The following CTNNA2 variants were observed in gnomAD, a reference collection of about 807,000 sequenced individuals.
The protein encoded by CTNNA2 is catenin alpha-2.
A neutral mutation model predicts 101.0 loss-of-function variants in CTNNA2; 42 were observed. The observed-to-expected ratio is 0.42, with a 90% CI of 0.32 to 0.54. The LOEUF (loss-of-function observed/expected upper bound fraction) is 0.54, where lower values mean the gene tolerates loss of function less well. Among genes scored for constraint, CTNNA2 ranks in the 20% least tolerant of loss-of-function variants. CTNNA2 has a pLI of 0.14. For missense variants in CTNNA2, 871 were observed against 1,223.1 expected (o/e 0.71, Z 4.29); for synonymous variants, 450 against 456.4 (o/e 0.99, Z 0.18).
chr2:80,409,992 T>G (rs907910347), intron 8 of CTNNA2, among the ~76,000 whole-genome samples: 1 of 152,256 alleles, frequency 6.6e-6, no homozygotes, highest in Admixed American at 6.5e-5. Flanking sequence ...TACATTAAAA[T>G]GAGGCACACA....
intron 7 of CTNNA2, among the ~76,000 whole-genome samples, chr2:80,211,941 T>A (rs1260866754): frequency 6.6e-6 from 1 of 152,220 alleles, no homozygotes; most frequent in Non-Finnish European, 1.5e-5. Context: ...ATATCCCTTG[T>A]AAGTTGGGTT....
chr2:80,533,039 C>T (rs949912330), intron 9 of CTNNA2, among the ~76,000 whole-genome samples: 1 of 152,146 alleles, frequency 6.6e-6, no homozygotes, highest in East Asian at 1.9e-4. Context: ...AATAAAAATA[C>T]AACCATTATC....
rs565730581 is a variant in CTNNA2 at position 79,981,762 on chromosome 2, C to T, written c.1056+71965C>T. Among the ~76,000 whole-genome samples the T allele has an allele frequency of 4.6e-5, 7 of 152,134 alleles. No individual in the cohort carries two copies. In the East Asian group the frequency reaches 5.8e-4, roughly 13 times the overall value. Reference sequence around the variant, plus strand: ...AGTCAAACTTGCCCATTATTTATTTCGTAAATTTTTTATGTTCAGATTTTT... The same window carrying T: ...AGTCAAACTTGCCCATTATTTATTTTGTAAATTTTTTATGTTCAGATTTTT... On this transcript the variant is annotated intron_variant, in intron 7 of 18. Transcript: ENST00000402739.
intron 7 of CTNNA2, among the ~76,000 whole-genome samples, chr2:80,021,798 A>T (rs758103091): frequency 1.3e-5 from 2 of 152,302 alleles, no homozygotes; most frequent in South Asian, 4.1e-4. Flanking sequence ...GTTATATAAT[A>T]CATCTCCTGA....
At chr2:79,764,103 C>A (rs1384630260) in intron 3 of CTNNA2, among the ~76,000 whole-genome samples, 1 of 152,158 alleles carries the variant, frequency 6.6e-6, no homozygotes, top group African/African-American at 2.4e-5. Flanking sequence ...GGAAAACAGA[C>A]CCTGTAACTT....
Position 79,707,042 on chromosome 2 carries a change from G to T in CTNNA2, c.103-37345G>T, listed in dbSNP as rs17728938. On this transcript the variant is annotated intron_variant, in intron 2 of 18. Coordinates refer to ENST00000402739, the MANE Select transcript of CTNNA2 (RefSeq NM_001282597.3). ...CTACTTTGTATGTTATAAAACACAG[G>T]ATCAGAACTGCCATTTGCACATTTG... Among the ~76,000 whole-genome samples, 146 of 152,180 alleles carry T rather than the reference G, an allele frequency of 9.6e-4. 1 individual carries two copies. Among genetic ancestry groups the T allele is most frequent in the Admixed American group, 2.7e-3 (42 of 15,296 alleles).
intron 7 of CTNNA2, among the ~76,000 whole-genome samples, chr2:80,232,941 T>C (rs1709341960): frequency 6.6e-6 from 1 of 152,188 alleles, no homozygotes; most frequent in African/African-American, 2.4e-5. Flanking sequence ...TTTTTCTAAC[T>C]TTATCATGTT....
At position 79,839,015 on chromosome 2, in the gene CTNNA2, GTT is replaced by G. The variant is rs202231145; in HGVS notation, c.299-18992_299-18991del. Among the ~76,000 whole-genome samples, 1,029 of 152,082 alleles carry G rather than the reference GTT, an allele frequency of 6.8e-3. 8 individuals are homozygous for G. Among genetic ancestry groups the G allele is most frequent in the African/African-American group, 0.024 (980 of 41,530 alleles). Reference sequence around the variant, plus strand: ...ATGTGCCAGCTATAAACTGGGCAAAGTTTTTTTATACATATTAATTTATTAAT... The same window carrying G: ...ATGTGCCAGCTATAAACTGGGCAAAGTTTTTATACATATTAATTTATTAAT... On this transcript the variant is annotated intron_variant, in intron 3 of 18. Transcript: ENST00000402739.
intron 2 of CTNNA2, among the ~76,000 whole-genome samples, chr2:79,241,724 A>C (rs997462585): frequency 6.6e-6 from 1 of 152,148 alleles, no homozygotes; most frequent in Non-Finnish European, 1.5e-5. Flanking sequence ...TCATCAGTTC[A>C]TGTTCTTTGT....
intron 7 of CTNNA2, among the ~76,000 whole-genome samples, chr2:80,217,112 A>G (rs1466906398): frequency 1.3e-5 from 2 of 152,074 alleles, no homozygotes; most frequent in African/African-American, 2.4e-5. Flanking sequence ...GATTACAGGC[A>G]TGAGCCACCG....
chr2:79,474,286 G>A (rs1671029655), intron 4 of CTNNA2, among the ~76,000 whole-genome samples: 1 of 152,114 alleles, frequency 6.6e-6, no homozygotes, highest in South Asian at 2.1e-4. Context: ...ACAAATCTTA[G>A]CACATTTATA....
intron 7 of CTNNA2, among the ~76,000 whole-genome samples, chr2:80,076,390 C>G (rs1423583751): frequency 1.3e-5 from 2 of 151,836 alleles, no homozygotes; most frequent in Non-Finnish European, 2.9e-5. Flanking sequence ...GTGATCCTCC[C>G]TGCTCAGCCT....
At chr2:79,811,088 C>T (rs367551165) in intron 3 of CTNNA2, among the ~76,000 whole-genome samples, 9,158 of 150,326 alleles carry the variant, frequency 0.061, 333 homozygotes, top group Middle Eastern at 0.12. Flanking sequence ...TTCTAGATCC[C>T]TGAGGGATCG....
At chr2:80,308,448 T>G (rs945738045) in intron 7 of CTNNA2, among the ~76,000 whole-genome samples, 3 of 152,222 alleles carry the variant, frequency 2.0e-5, no homozygotes, top group Admixed American at 6.5e-5. Context: ...AGGAAACCTT[T>G]AGAAGAATTG....
chr2:79,425,436 T>G (rs535327245), intron 4 of CTNNA2, among the ~76,000 whole-genome samples: 1 of 152,280 alleles, frequency 6.6e-6, no homozygotes, highest in South Asian at 2.1e-4. Context: ...CTTACATATT[T>G]GGAGGCTGGG....
chr2:79,847,050 G>A (rs1186445646), intron 3 of CTNNA2, among the ~76,000 whole-genome samples: 1 of 152,162 alleles, frequency 6.6e-6, no homozygotes, highest in Non-Finnish European at 1.5e-5. Flanking sequence ...ATTTTTTAAT[G>A]TCAGTTGTTC....
chr2:80,621,687 A>T (rs1216642216), intron 18 of CTNNA2, among the ~76,000 whole-genome samples: 1 of 151,962 alleles, frequency 6.6e-6, no homozygotes, highest in Non-Finnish European at 1.5e-5. Flanking sequence ...GTAATATTGC[A>T]GGAAATCCCA....
rs192285403 is a variant in CTNNA2, at chr2:79,256,683, C to T, written c.-405-56026C>T. On this transcript the variant is annotated intron_variant, in intron 2 of 21. Coordinates refer to the CTNNA2 transcript ENST00000466387. ...AGCATACGTTCCTGTCCGAGTTACTCCTGGGAGTAGAAGGGGCAATGTCCC... is the reference window on the plus strand; with the variant it reads ...AGCATACGTTCCTGTCCGAGTTACTTCTGGGAGTAGAAGGGGCAATGTCCC... Among the ~76,000 whole-genome samples, 38 of 152,288 alleles carry T rather than the reference C, an allele frequency of 2.5e-4. 1 individual carries two copies. The highest frequency in any genetic ancestry group is 9.1e-4 in the African/African-American group (38 of 41,556).
At chr2:80,067,271 A>G (rs1698049752) in intron 7 of CTNNA2, among the ~76,000 whole-genome samples, 1 of 152,200 alleles carries the variant, frequency 6.6e-6, no homozygotes, top group Admixed American at 6.5e-5. Flanking sequence ...ATGCATATGT[A>G]AATTAGCTTA....
Sources: allele counts gnomAD v4.1 joint callset (sites outside exome capture counted in the v4.1 genomes callset), GRCh38; gene constraint gnomAD v4.1.1; transcripts MANE v1.5; gene names NCBI Gene and HGNC (gene_info 2026-07-23, HGNC 2026-07-21).